The following NRXN1 variants were observed in gnomAD, a reference collection of about 807,000 sequenced individuals.
NRXN1 encodes neurexin-1.
Under a neutral mutation model 150.9 loss-of-function variants are expected in NRXN1, and 39 were observed. That is an observed-to-expected ratio of 0.26 (90% CI 0.20 to 0.34). The LOEUF is 0.34. Among genes scored for constraint, NRXN1 ranks in the 10% least tolerant of loss-of-function variants. The probability of loss-of-function intolerance (pLI) is 1.00; values close to 1 mark genes in which losing one functional copy is unlikely to be tolerated. For synonymous variants in NRXN1, 924 were observed against 757.0 expected (o/e 1.22, Z -3.62); for missense variants, 1,815 against 1,949.9 (o/e 0.93, Z 1.30).
intron 2 of NRXN1, among the ~76,000 whole-genome samples, chr2:50,957,733 T>A (rs1692496929): frequency 6.6e-6 from 1 of 152,176 alleles, no homozygotes; most frequent in Non-Finnish European, 1.5e-5. Context: ...TCTTAATTAC[T>A]TTTGTCATGT....
At chr2:50,635,368 T>C (rs1683082642) in intron 5 of NRXN1, among the ~76,000 whole-genome samples, 1 of 150,934 alleles carries the variant, frequency 6.6e-6, no homozygotes, top group Non-Finnish European at 1.5e-5. Context: ...GGTTTCACCA[T>C]GTTAGCCAGG....
chr2:50,501,615 GT>G (rs2091951573), intron 13 of NRXN1, among the ~76,000 whole-genome samples: 1 of 151,120 alleles, frequency 6.6e-6, no homozygotes, highest in African/African-American at 2.4e-5. Flanking sequence ...GGTGAATGTT[GT>G]TCCATAAAGG....
intron 22 of NRXN1, among the ~76,000 whole-genome samples, chr2:49,932,872 A>T (rs1363763299): frequency 6.6e-6 from 1 of 152,208 alleles, no homozygotes; most frequent in East Asian, 1.9e-4. Flanking sequence ...AGGAAAGAAA[A>T]CTAAGTCTCA....
chr2:50,772,648 G>C (rs1703149628), intron 5 of NRXN1, among the ~76,000 whole-genome samples: 1 of 152,062 alleles, frequency 6.6e-6, no homozygotes, highest in Non-Finnish European at 1.5e-5. Flanking sequence ...TTATGAATGT[G>C]ATTTTCAAAT....
chr2:50,103,485 T>G (rs73932936), intron 18 of NRXN1, among the ~76,000 whole-genome samples: 1 of 151,990 alleles, frequency 6.6e-6, no homozygotes, highest in African/African-American at 2.4e-5. Flanking sequence ...AATGCCTGTG[T>G]CCCAAAATGC....
chr2:51,007,585 T>A (rs1042592492), intron 2 of NRXN1, among the ~76,000 whole-genome samples: 9 of 151,924 alleles, frequency 5.9e-5, no homozygotes, highest in Admixed American at 2.6e-4. Context: ...TATTTTTAAA[T>A]GAAGCAGATT....
At chr2:51,006,571 C>T (rs891427015) in intron 2 of NRXN1, among the ~76,000 whole-genome samples, 1 of 151,700 alleles carries the variant, frequency 6.6e-6, no homozygotes, top group African/African-American at 2.4e-5. Flanking sequence ...AAAAGACCTA[C>T]CATTTGAGCA....
At chr2:50,828,245 G>T (rs1416105688) in intron 5 of NRXN1, among the ~76,000 whole-genome samples, 1 of 139,316 alleles carries the variant, frequency 7.2e-6, no homozygotes, top group Non-Finnish European at 1.6e-5. Context: ...CTCACCTCCC[G>T]GACGGGGCGG....
rs140190186 is a variant in NRXN1 at position 50,246,799 on chromosome 2, C to A, written c.3365-9829G>T. On this transcript the variant is annotated intron_variant, in intron 17 of 22. Coordinates refer to ENST00000401669, the MANE Select transcript of NRXN1 (RefSeq NM_001330078.2). ...AAGGTTAATTCTCGCCTTTCAACAT[C>A]CACTAACTTATTTTTAATTTTTGAA... is the stretch of plus-strand genomic sequence containing the variant. Among the ~76,000 whole-genome samples the A allele has an allele frequency of 2.1e-3, 327 of 152,148 alleles. 1 individual carries two copies. The highest frequency in any genetic ancestry group is 3.6e-3 in the Non-Finnish European group (246 of 67,982).
intron 21 of NRXN1, among the ~76,000 whole-genome samples, chr2:50,009,591 T>C (rs966150517): frequency 2.0e-5 from 3 of 152,128 alleles, no homozygotes; most frequent in Admixed American, 6.6e-5. Context: ...ATGGAGAAAA[T>C]TGCTATTGTG....
rs1383175150 is a variant in NRXN1, at chr2:50,675,675, C to CCA, written c.833-52061_833-52060insTG. ...AAACCATGAATCATCTTGTCATTACCGTTACTCCAGTTTACTGTTAACATG... is the reference window on the plus strand; with the variant it reads ...AAACCATGAATCATCTTGTCATTACCCAGTTACTCCAGTTTACTGTTAACATG... On this transcript the variant is annotated intron_variant, in intron 5 of 22. Transcript: ENST00000401669. Among the ~76,000 whole-genome samples the CCA allele has an allele frequency of 2.0e-5, 3 of 152,068 alleles. No homozygotes were observed. In the East Asian group the frequency reaches 5.8e-4, roughly 29 times the overall value.
At chr2:50,093,465 A>G (rs1558863344) in intron 18 of NRXN1, among the ~76,000 whole-genome samples, 1 of 57,288 alleles carries the variant, frequency 1.7e-5, no homozygotes, top group Non-Finnish European at 3.4e-5. Context: ...ATTAAAAAAA[A>G]AGAAAAAGAA....
At chr2:50,820,275 C>G (rs1463081759) in intron 5 of NRXN1, among the ~76,000 whole-genome samples, 5 of 152,028 alleles carry the variant, frequency 3.3e-5, no homozygotes, top group Non-Finnish European at 7.4e-5. Context: ...TATCTTTATT[C>G]TCTTTCCCCA....
At chr2:50,600,225 C>T (rs867594509) in intron 8 of NRXN1, among the ~76,000 whole-genome samples, 1 of 150,468 alleles carries the variant, frequency 6.6e-6, no homozygotes, top group Non-Finnish European at 1.5e-5. Flanking sequence ...TACATCCTTC[C>T]AGGGATAGAT....
At chr2:50,551,720 T>C (rs1667571782) in intron 9 of NRXN1, among the ~76,000 whole-genome samples, 1 of 152,102 alleles carries the variant, frequency 6.6e-6, no homozygotes, top group South Asian at 2.1e-4. Context: ...ATAAATGTAG[T>C]TGTATACTTA....
chr2:50,730,477 G>C (rs1307717484), intron 5 of NRXN1, among the ~76,000 whole-genome samples: 2 of 152,076 alleles, frequency 1.3e-5, no homozygotes, highest in East Asian at 3.9e-4. Context: ...CAGTCAATGA[G>C]AGGATCAGAG....
chr2:50,495,345 CGTGTGTGT>C (rs71404957), intron 15 of NRXN1, among the ~76,000 whole-genome samples: 8 of 76,076 alleles, frequency 1.1e-4, no homozygotes, highest in Non-Finnish European at 1.9e-4. Flanking sequence ...AGAAGCATTC[CGTGTGTGT>C]GTGTGTGTGT....
At chr2:50,117,108 G>T (rs537656385) in intron 18 of NRXN1, among the ~76,000 whole-genome samples, 5 of 152,086 alleles carry the variant, frequency 3.3e-5, no homozygotes, top group Non-Finnish European at 5.9e-5. Flanking sequence ...CAGAATGTTT[G>T]ATTATGATTG....
At chr2:50,973,989 A>G (rs779259809) in intron 2 of NRXN1, among the ~76,000 whole-genome samples, 5 of 132,996 alleles carry the variant, frequency 3.8e-5, no homozygotes, top group African/African-American at 5.4e-5. Flanking sequence ...ATGAGATAAT[A>G]CATCTGATGT....
Sources: allele counts gnomAD v4.1 joint callset (sites outside exome capture counted in the v4.1 genomes callset), GRCh38; gene constraint gnomAD v4.1.1; transcripts MANE v1.5; gene names NCBI Gene and HGNC (gene_info 2026-07-23, HGNC 2026-07-21).